The following RBFOX3 variants were observed in gnomAD, a reference collection of about 807,000 sequenced individuals.
RBFOX3 encodes the protein RNA binding fox-1 homolog 3.
RBFOX3 carries 17 observed loss-of-function variants against 48.7 expected under a neutral mutation model. The ratio of observed to expected loss-of-function variants is 0.35; its 90% CI spans 0.24 to 0.52. The LOEUF (loss-of-function observed/expected upper bound fraction) is 0.52. RBFOX3 is among the 20% of genes least tolerant of loss of function. RBFOX3 has a pLI of 0.94. For synonymous variants in RBFOX3, 212 were observed against 209.5 expected (o/e 1.01, Z -0.10); for missense variants, 382 against 497.5 (o/e 0.77, Z 2.21).
chr17:79,570,854 G>T (rs1442881711), intron 1 of RBFOX3, among the ~76,000 whole-genome samples: 2 of 152,212 alleles, frequency 1.3e-5, no homozygotes, highest in African/African-American at 4.8e-5. Context: ...TGCTTTGCAT[G>T]CCTTGCAATA....
chr17:79,125,543 C>T lies in RBFOX3; in HGVS notation c.-33-9795G>A, dbSNP rs186530020. ...CCAGCCTGCGTGTGGGACAACGGGC[C>T]GGCAGGGAGCTCAGGGAGCAGGCGG... On this transcript the variant is annotated intron_variant, in intron 4 of 14. Coordinates refer to ENST00000693108, the MANE Select transcript of RBFOX3 (RefSeq NM_001350451.2). Among the ~76,000 whole-genome samples the T allele has an allele frequency of 4.6e-5, 7 of 152,342 alleles. No individual in the cohort carries two copies. The East Asian group carries it at 1.2e-3, about 25-fold the overall frequency.
At position 79,108,412 on chromosome 17, in the gene RBFOX3, GCT is replaced by G. The variant is rs1315765221; in HGVS notation, c.223-1626_223-1625del. Among the ~76,000 whole-genome samples, 3 of 152,268 alleles carry G rather than the reference GCT, an allele frequency of 2.0e-5. No homozygotes were observed. The East Asian group carries it at 5.8e-4, about 29-fold the overall frequency. On this transcript the variant is annotated intron_variant, in intron 5 of 14. Transcript: ENST00000693108. ...AGAGAGCCATTCCCACGCATCTCCA[GCT>G]AGGCGAAGCACCTGGCTGCTGAAGC...
chr17:79,288,957 T>C (rs746625581), intron 3 of RBFOX3, among the ~76,000 whole-genome samples: 9 of 152,110 alleles, frequency 5.9e-5, no homozygotes, highest in Non-Finnish European at 2.9e-5. Flanking sequence ...ATGGATGGAA[T>C]ACAGTAGCAG....
chr17:79,275,852 C>T (rs1347948245), intron 3 of RBFOX3, among the ~76,000 whole-genome samples: 1 of 152,188 alleles, frequency 6.6e-6, no homozygotes, highest in Non-Finnish European at 1.5e-5. Flanking sequence ...CACCGGAGGA[C>T]CCAGGTGTTC....
At chr17:79,253,416 A>T (rs1161564105) in intron 3 of RBFOX3, among the ~76,000 whole-genome samples, 1 of 152,246 alleles carries the variant, frequency 6.6e-6, no homozygotes, top group African/African-American at 2.4e-5. Context: ...TCCAGTATAT[A>T]CATAACCAGA....
In RBFOX3 at chr17:79,421,736, CGG is replaced by C. The variant is rs1568220986; in HGVS notation, c.-175+60716_-175+60717del. Among the ~76,000 whole-genome samples the C allele has an allele frequency of 6.6e-6, 1 of 152,138 alleles. No homozygotes were observed. On this transcript the variant is annotated intron_variant, in intron 2 of 14. Transcript: ENST00000693108. This position sits in a 1 kb window ranked among gnomAD's most constrained non-coding sequence, Gnocchi z 4.5. ...CGCAGGCCCCTGGCAAGCCTGAGGC[CGG>C]GGCAGCAGCCATGCTCTCTCCTCCT...
chr17:79,265,128 C>T (rs1279740797), intron 3 of RBFOX3, among the ~76,000 whole-genome samples: 8 of 152,202 alleles, frequency 5.3e-5, no homozygotes, highest in African/African-American at 2.4e-5. Context: ...CAGTCCAGCC[C>T]CCCGTTCCAA....
chr17:79,576,695 G>A (rs1366224675), intron 1 of RBFOX3, among the ~76,000 whole-genome samples: 1 of 152,060 alleles, frequency 6.6e-6, no homozygotes, highest in Non-Finnish European at 1.5e-5. Flanking sequence ...AGATGATGAA[G>A]AAGATGATAG....
At chr17:79,474,769 C>T (rs1442535392) in intron 2 of RBFOX3, among the ~76,000 whole-genome samples, 1 of 152,172 alleles carries the variant, frequency 6.6e-6, no homozygotes, top group Non-Finnish European at 1.5e-5. Context: ...TGCTGCCCGC[C>T]CACTGGCCTG....
rs1238610310 is a variant in RBFOX3 at position 79,249,437 on chromosome 17, G to A, written c.-73-13632C>T. The stretch of plus-strand genomic sequence containing the variant: ...GAAGCCTTGCTGGCCCTGGGGAGAC[G>A]GCTCCTCCCAAAGTAGCAGATTCCG... On this transcript the variant is annotated intron_variant, in intron 3 of 14. Transcript: ENST00000693108. The surrounding 1 kb of genome is among the most constrained non-coding windows in gnomAD (Gnocchi z 4.1). Among the ~76,000 whole-genome samples, 2 of 152,144 alleles carry A rather than the reference G, an allele frequency of 1.3e-5. No homozygotes were observed. The highest frequency in any genetic ancestry group is 1.9e-4 in the East Asian group (1 of 5,160).
At chr17:79,503,146 G>A (rs1413158526) in intron 1 of RBFOX3, among the ~76,000 whole-genome samples, 1 of 152,136 alleles carries the variant, frequency 6.6e-6, no homozygotes, top group African/African-American at 2.4e-5. Context: ...CTGCTATAAG[G>A]GCACTGATCC....
chr17:79,484,491 G>GT (rs1236020011), intron 1 of RBFOX3, among the ~76,000 whole-genome samples: 1 of 75,424 alleles, frequency 1.3e-5, no homozygotes, highest in Non-Finnish European at 2.8e-5. Flanking sequence ...CCTGGGTGCA[G>GT]GGGCCTGGGT....
At chr17:79,244,768 TTCCTTCC>T (rs1448508443) in intron 3 of RBFOX3, among the ~76,000 whole-genome samples, 1 of 146,162 alleles carries the variant, frequency 6.8e-6, no homozygotes, top group Non-Finnish European at 1.5e-5. Context: ...CTTTTCTTCC[TTCCTTCC>T]TTTATTCTCC....
rs547404918 is a variant in RBFOX3, at chr17:79,477,188, G to A, written c.-175+5266C>T. On this transcript the variant is annotated intron_variant, in intron 2 of 14. Transcript: ENST00000693108. The surrounding 1 kb of genome is among the most constrained non-coding windows in gnomAD (Gnocchi z 4.8). ...GTAGAGGTTGCAGTGAGCTGAGATCGCGCCACTGCACTCCAGCCTGGGTGA... is the reference window on the plus strand; with the variant it reads ...GTAGAGGTTGCAGTGAGCTGAGATCACGCCACTGCACTCCAGCCTGGGTGA... Among the ~76,000 whole-genome samples, 112 of 148,556 alleles carry A rather than the reference G, an allele frequency of 7.5e-4. No homozygotes were observed. In the Middle Eastern group the frequency reaches 0.011, roughly 15 times the overall value.
At position 79,563,599 on chromosome 17, in the gene RBFOX3, T is replaced by C. The variant is rs954452760; in HGVS notation, c.-320+47227A>G. On this transcript the variant is annotated intron_variant, in intron 1 of 14. Coordinates refer to ENST00000693108, the MANE Select transcript of RBFOX3 (RefSeq NM_001350451.2). Reference sequence around the variant, plus strand: ...TCTGGGAAAAGAGGTGTTACGTTGTTGACATTGGTACAGGTTTGATTACTC... The same window carrying C: ...TCTGGGAAAAGAGGTGTTACGTTGTCGACATTGGTACAGGTTTGATTACTC... Among the ~76,000 whole-genome samples the C allele has an allele frequency of 5.7e-3, 863 of 152,368 alleles. 10 individuals carry two copies. Among genetic ancestry groups the C allele is most frequent in the African/African-American group, 0.02 (824 of 41,582 alleles).
Position 79,478,807 on chromosome 17 carries a change from C to T in RBFOX3, c.-175+3647G>A, listed in dbSNP as rs2078351385. Among the ~76,000 whole-genome samples the T allele has an allele frequency of 2.6e-5, 4 of 152,358 alleles. No homozygotes were observed. In the South Asian group the frequency reaches 6.2e-4, roughly 24 times the overall value. ...GTAACAGACAAATCTCGTTTTGCAG[C>T]ATCCATGTTTTTAATAAGGACTTAG... On this transcript the variant is annotated intron_variant, in intron 2 of 14. Transcript: ENST00000693108.
chr17:79,620,528 C>A, the RBFOX3 span, among the ~76,000 whole-genome samples: 3 of 151,302 alleles, frequency 2.0e-5, no homozygotes, highest in African/African-American at 7.3e-5. Flanking sequence ...CACATGCATA[C>A]GCGCACATGC....
At chr17:79,501,772 A>G (rs2082416971) in intron 1 of RBFOX3, among the ~76,000 whole-genome samples, 1 of 152,236 alleles carries the variant, frequency 6.6e-6, no homozygotes, top group African/African-American at 2.4e-5. Flanking sequence ...ATCTCAGTTT[A>G]TACAGTATTT....
chr17:79,217,774 T>G (rs1461837884), intron 4 of RBFOX3, among the ~76,000 whole-genome samples: 2 of 151,180 alleles, frequency 1.3e-5, no homozygotes, highest in African/African-American at 4.9e-5. Flanking sequence ...GGGGGTGGGG[T>G]GGGAGGCAGG....
Sources: allele counts gnomAD v4.1 joint callset (sites outside exome capture counted in the v4.1 genomes callset), GRCh38; gene constraint gnomAD v4.1.1; non-coding constraint Gnocchi (gnomAD v3.1); transcripts MANE v1.5; gene names NCBI Gene and HGNC (gene_info 2026-07-23, HGNC 2026-07-21).